Variants in PRAMEF20 observed in about 807,000 individuals in gnomAD.
The protein encoded by PRAMEF20 is PRAME family member 20, also known as PRAME family member 20/21.
In PRAMEF20, 27 loss-of-function variants were observed where a neutral mutation model predicts 32.4. The ratio of observed to expected loss-of-function variants is 0.83; its 90% CI spans 0.61 to 1.15. PRAMEF20 has a LOEUF of 1.15. Among genes scored for constraint, PRAMEF20 ranks in the 50% most tolerant of loss-of-function variants. The probability of loss-of-function intolerance (pLI) is 0.00; values close to 1 mark genes in which losing one functional copy is unlikely to be tolerated. For missense variants in PRAMEF20, 604 were observed against 584.5 expected, an observed-to-expected ratio of 1.03 and a Z score of -0.34; for synonymous variants, 256 against 235.4, an observed-to-expected ratio of 1.09 and a Z score of -0.80.
rs1009966553 is a variant in PRAMEF20 at position 13,420,656 on chromosome 1, C to T, written c.867-41C>T. 1.1e-4 allele frequency: 170 copies of T among 1,613,622 alleles called. No individual in the cohort carries two copies. The African/African-American group carries it at 2.1e-3, about 20-fold the overall frequency. On this transcript the variant is annotated intron_variant, in intron 2 of 2. Transcript: ENST00000602960. ...ATTCCCTACCACCCTCCACTCACCC[C>T]TACGATTCCCCAGAACTAACTTCCT...
intron 2 of PRAMEF20, among the ~76,000 whole-genome samples, chr1:13,420,493 G>T (rs1381983737): frequency 6.6e-6 from 1 of 152,164 alleles, no homozygotes; most frequent in Non-Finnish European, 1.5e-5. Flanking sequence ...ACAGGTGTGA[G>T]TTACTGCGCC....
upstream of PRAMEF20, among the ~76,000 whole-genome samples, chr1:13,411,944 G>A (rs1256011920): frequency 6.6e-6 from 1 of 152,058 alleles, no homozygotes; most frequent in African/African-American, 2.4e-5. Flanking sequence ...TAACACTAGA[G>A]ACTTTTTCTC....
Position 13,416,653 on chromosome 1 carries a change from C to A in PRAMEF20, c.287+12C>A, listed in dbSNP as rs759907076. 1 of 1,613,984 alleles carries A rather than the reference C, an allele frequency of 6.2e-7. No individual in the cohort carries two copies. The highest frequency in any genetic ancestry group is 8.5e-7 in the Non-Finnish European group (1 of 1,179,952). ...AGGGTTCGTCTCAGGTGAGGTGGCCCAAGTGGGCTGGTGGGGAGGGCCCAG... is the reference window on the plus strand; with the variant it reads ...AGGGTTCGTCTCAGGTGAGGTGGCCAAAGTGGGCTGGTGGGGAGGGCCCAG... On this transcript the variant is annotated intron_variant, in intron 1 of 2. Transcript: ENST00000602960.
chr1:13,420,456 G>A lies in PRAMEF20; in HGVS notation c.867-241G>A, dbSNP rs911167852. On this transcript the variant is annotated intron_variant, in intron 2 of 2. Transcript: ENST00000602960. Reference sequence around the variant, plus strand: ...ACTCCTGACCTCCAGTGATCTGCCCGTCTCAGCTTCCCAAAGTTCTGGGAT... The same window carrying A: ...ACTCCTGACCTCCAGTGATCTGCCCATCTCAGCTTCCCAAAGTTCTGGGAT... Among the ~76,000 whole-genome samples the A allele has an allele frequency of 3.5e-4, 53 of 152,246 alleles. 1 individual carries two copies. The South Asian group carries it at 7.9e-3, about 23-fold the overall frequency.
exon 3 of PRAMEF20, chr1:13,420,944 G>A: frequency 6.2e-7 from 1 of 1,613,662 alleles, no homozygotes; most frequent in South Asian, 1.1e-5. Context: ...CATCCTGCCT[G>A]CCCTGAGCCG....
intron 2 of PRAMEF20, among the ~76,000 whole-genome samples, chr1:13,419,380 C>G (rs1641217897): frequency 6.6e-6 from 1 of 152,018 alleles, no homozygotes; most frequent in African/African-American, 2.4e-5. Flanking sequence ...AATTCCTGAC[C>G]TCAGGTGATC....
At chr1:13,413,794 A>G (rs1468151299), upstream of PRAMEF20, among the ~76,000 whole-genome samples, 2 of 152,106 alleles carry the variant, frequency 1.3e-5, no homozygotes, top group African/African-American at 4.8e-5. Context: ...CACCCTGAAC[A>G]CTGAGTCCAG....
upstream of PRAMEF20, among the ~76,000 whole-genome samples, chr1:13,412,032 T>TTTTA (rs1387697306): frequency 9.4e-5 from 14 of 149,644 alleles, no homozygotes; most frequent in Admixed American, 2.0e-4. Context: ...ATTTAATTTA[T>TTTTA]TTTATTTATT....
upstream of PRAMEF20, among the ~76,000 whole-genome samples, chr1:13,416,019 T>C (rs1641165567): frequency 6.6e-6 from 1 of 150,884 alleles, no homozygotes; most frequent in Non-Finnish European, 1.5e-5. Flanking sequence ...TTTAGAACCT[T>C]GAGTAATTAG....
At chr1:13,416,074 A>G (rs1447896400), upstream of PRAMEF20, among the ~76,000 whole-genome samples, 1 of 152,184 alleles carries the variant, frequency 6.6e-6, no homozygotes, top group African/African-American at 2.4e-5. Flanking sequence ...AGGTTCCTCC[A>G]TATTTACTAC....
chr1:13,410,571 G>A, the PRAMEF20 span: 1 of 151,480 alleles, frequency 6.6e-6, no homozygotes, highest in South Asian at 2.1e-4. Flanking sequence ...CTGACCTACA[G>A]TCAGCCGGTC....
chr1:13,418,501 G>A (rs1641207631), exon 2 of PRAMEF20: 3 of 1,613,844 alleles, frequency 1.9e-6, no homozygotes, highest in Non-Finnish European at 2.5e-6. Context: ...CGTCCTGGCA[G>A]AGTTTACCCC....
upstream of PRAMEF20, among the ~76,000 whole-genome samples, chr1:13,414,088 C>A (rs2100429475): frequency 6.6e-6 from 1 of 152,238 alleles, no homozygotes; most frequent in Admixed American, 6.6e-5. Flanking sequence ...GTTGCCCAGG[C>A]TGGAGTGCAG....
exon 3 of PRAMEF20, chr1:13,421,110 G>T: frequency 6.2e-7 from 1 of 1,613,884 alleles, no homozygotes; most frequent in Non-Finnish European, 8.5e-7. Flanking sequence ...ATCGTCTGCC[G>T]GAGCAGATTT....
exon 1 of PRAMEF20, chr1:13,416,640 A>C: frequency 6.2e-7 from 1 of 1,614,072 alleles, no homozygotes; most frequent in Non-Finnish European, 8.5e-7. Flanking sequence ...GGTTCGTCTC[A>C]GGTGAGGTGG....
exon 2 of PRAMEF20, chr1:13,418,634 G>A (rs924762274): frequency 5.3e-5 from 86 of 1,613,838 alleles, no homozygotes; most frequent in African/African-American, 6.7e-5. Flanking sequence ...CTCAAGCTGC[G>A]CTGCCTCCAA....
upstream of PRAMEF20, among the ~76,000 whole-genome samples, chr1:13,413,905 G>A (rs1641136479): frequency 1.3e-5 from 2 of 152,102 alleles, no homozygotes; most frequent in Admixed American, 1.3e-4. Context: ...GAATTATCCT[G>A]TTTTATCAGA....
upstream of PRAMEF20, among the ~76,000 whole-genome samples, chr1:13,413,473 T>C (rs1405544058): frequency 6.6e-6 from 1 of 152,028 alleles, no homozygotes; most frequent in Admixed American, 6.6e-5. Context: ...CAAGTGATCC[T>C]CCTGCCTCAG....
intron 1 of PRAMEF20, among the ~76,000 whole-genome samples, chr1:13,417,713 G>A (rs1641191908): frequency 6.8e-6 from 1 of 147,984 alleles, no homozygotes. Context: ...AGGATGTGAA[G>A]TATAAGTTCA....
Sources: allele counts gnomAD v4.1 joint callset (sites outside exome capture counted in the v4.1 genomes callset), GRCh38; gene constraint gnomAD v4.1.1; transcripts MANE v1.5; gene names NCBI Gene and HGNC (gene_info 2026-07-23, HGNC 2026-07-21).